Variants in PLXND1 observed in about 807,000 individuals in gnomAD.
PLXND1 encodes the protein plexin D1.
Under a neutral mutation model 197.7 loss-of-function variants are expected in PLXND1, and 54 were observed. That is an observed-to-expected ratio of 0.27 (90% CI 0.22 to 0.34). The LOEUF (loss-of-function observed/expected upper bound fraction) is 0.34. PLXND1 is among the 10% of genes least tolerant of loss of function. The pLI is 1.00. For missense variants in PLXND1, 2,127 were observed against 2,699.2 expected, an observed-to-expected ratio of 0.79 and a Z score of 4.70; for synonymous variants, 1,180 against 1,161.2, an observed-to-expected ratio of 1.02 and a Z score of -0.33.
At chr3:129,567,907 G>C in intron 20 of PLXND1, 102 bp from the exon 21 acceptor site, 1 of 427,676 alleles carries the variant, frequency 2.3e-6, no homozygotes, top group Non-Finnish European at 4.3e-6. Flanking sequence ...TCTGGGCAGG[G>C]TGTGGGAGGA....
intron 1 of PLXND1, among the ~76,000 whole-genome samples, chr3:129,597,551 C>T (rs527558143): frequency 6.9e-4 from 105 of 152,322 alleles, no homozygotes; most frequent in African/African-American, 2.2e-3. Flanking sequence ...GGGGCCTTGC[C>T]GGGACTCGTA....
chr3:129,589,307 G>GCCGGGGGCCCCC, intron 2 of PLXND1, 44 bp downstream of exon 2: 2 of 684,692 alleles, frequency 2.9e-6, no homozygotes, highest in Non-Finnish European at 5.1e-6. Context: ...TCCCAGGGGA[G>GCCGGGGGCCCCC]CCTCCCACCC....
At position 129,558,776 on chromosome 3, in the gene PLXND1, G is replaced by A. The variant is rs1433247289; in HGVS notation, c.5298-201C>T. The stretch of plus-strand genomic sequence containing the variant: ...GGGGCTGAGAGCCCGGTTTCCTGCT[G>A]GAGCAAGGCAGGAGCTACAGGGCTT... On this transcript the variant is annotated intron_variant, in intron 32 of 35. Transcript: ENST00000324093. This position sits in a 1 kb window ranked among gnomAD's most constrained non-coding sequence, Gnocchi z 4.1. 2 of 571,554 alleles carry A rather than the reference G, an allele frequency of 3.5e-6. No individual in the cohort carries two copies. Among genetic ancestry groups the A allele is most frequent in the East Asian group, 3.0e-5 (1 of 33,710 alleles). 35.4% of individuals were successfully genotyped at this position (571,554 alleles called of 1,614,324 possible). A position where few individuals can be genotyped will look rare whatever the true frequency, so the allele number is the denominator to read the frequency against.
chr3:129,588,491 CCACGAGCCCCATT>C (rs1268253921), intron 2 of PLXND1, among the ~76,000 whole-genome samples: 1 of 152,218 alleles, frequency 6.6e-6, no homozygotes, highest in East Asian at 1.9e-4. Context: ...TGACCCCAAA[CCACGAGCCCCATT>C]GACGAGCCCC....
intron 19 of PLXND1, 118 bp downstream of exon 19, chr3:129,570,668 T>G: frequency 1.0e-6 from 1 of 965,580 alleles, no homozygotes; most frequent in Non-Finnish European, 1.6e-6. Context: ...TTTGCTGGAC[T>G]GAGCTGTTGA....
intron 8 of PLXND1, 151 bp from the exon 9 acceptor site, chr3:129,578,584 G>A (rs374322699): frequency 1.7e-5 from 10 of 595,650 alleles, no homozygotes; most frequent in African/African-American, 5.6e-5. Context: ...GCCCCACCCC[G>A]TGCCTCCCAC....
Position 129,565,325 on chromosome 3 carries a change from C to T in PLXND1, c.4521+15G>A. On this transcript the variant is annotated intron_variant, in intron 25 of 35. Coordinates refer to ENST00000324093, the MANE Select transcript of PLXND1 (RefSeq NM_015103.3). ...GTCCCCCGCCTGGGCTCTGTCTGTC[C>T]CCAGGCAGCCTCACCCGCAGACAGC... is the stretch of plus-strand genomic sequence containing the variant. The T allele has an allele frequency of 6.2e-7, 1 of 1,610,646 alleles. No homozygotes were observed. The highest frequency in any genetic ancestry group is 8.5e-7 in the Non-Finnish European group (1 of 1,177,300).
chr3:129,581,703 C>T (rs1186632909), intron 8 of PLXND1, among the ~76,000 whole-genome samples: 1 of 152,222 alleles, frequency 6.6e-6, no homozygotes, highest in Non-Finnish European at 1.5e-5. Flanking sequence ...TAAGATCATA[C>T]AGCCACAGCT....
At chr3:129,588,781 A>G (rs977490525) in intron 2 of PLXND1, among the ~76,000 whole-genome samples, 3 of 152,244 alleles carry the variant, frequency 2.0e-5, no homozygotes, top group Admixed American at 6.5e-5. Context: ...GTCCTGCCCC[A>G]GAGCAGGGAA....
intron 29 of PLXND1, chr3:129,561,057 T>C (rs913355268): frequency 4.0e-5 from 20 of 497,868 alleles, no homozygotes; most frequent in South Asian, 1.1e-4. Flanking sequence ...ATGGAGGGAC[T>C]TGGAAGGAGG....
At chr3:129,560,657 TG>T in intron 30 of PLXND1, 31 bp downstream of exon 30, 1 of 1,559,878 alleles carries the variant, frequency 6.4e-7, no homozygotes, top group Non-Finnish European at 8.8e-7. Flanking sequence ...ACTGAGGGGC[TG>T]GATCCCCCGG....
At position 129,557,013 on chromosome 3, in the gene PLXND1, G is replaced by A. The variant is rs1481657609; in HGVS notation, c.5586+70C>T. On this transcript the variant is annotated intron_variant, in intron 34 of 35. Coordinates refer to ENST00000324093, the MANE Select transcript of PLXND1 (RefSeq NM_015103.3). The surrounding 1 kb of genome is among the most constrained non-coding windows in gnomAD (Gnocchi z 4.8). ...CTGCCCTTACTCCAGTGGAGGCATT[G>A]AGGCCCAGCCCCCGACCCCCGATCC... 3.9e-6 allele frequency: 6 copies of A among 1,546,748 alleles called. No individual in the cohort carries two copies. The highest frequency in any genetic ancestry group is 1.7e-5 in the Admixed American group (1 of 58,964).
rs536821230 is a variant in PLXND1 at position 129,571,603 on chromosome 3, C to G, written c.3246-4G>C. 3 of 1,613,844 alleles carry G rather than the reference C, an allele frequency of 1.9e-6. No homozygotes were observed. ...CACTGTGATGGTCCTGCCGCCACTG[C>G]GGGGGACAGCAAAACCTATCAGTGC... On this transcript the variant is annotated splice_region_variant and splice_polypyrimidine_tract_variant and intron_variant, in intron 16 of 35. Coordinates refer to ENST00000324093, the MANE Select transcript of PLXND1 (RefSeq NM_015103.3).
chr3:129,586,854 C>G, intron 2 of PLXND1, 135 bp from the exon 3 acceptor site: 11 of 1,026,736 alleles, frequency 1.1e-5, no homozygotes, highest in Non-Finnish European at 1.6e-5. Context: ...TGGGAAGTCA[C>G]GGGCGTGCAG....
chr3:129,580,893 G>C (rs981002841), intron 8 of PLXND1, among the ~76,000 whole-genome samples: 1 of 151,578 alleles, frequency 6.6e-6, no homozygotes, highest in African/African-American at 2.4e-5. Context: ...CTGGCCCGTA[G>C]TGACCACCTA....
chr3:129,593,593 G>A (rs2085577406), intron 1 of PLXND1, among the ~76,000 whole-genome samples: 1 of 152,252 alleles, frequency 6.6e-6, no homozygotes, highest in African/African-American at 2.4e-5. Context: ...GTGCTCTGGA[G>A]GGAATGTTTA....
intron 1 of PLXND1, among the ~76,000 whole-genome samples, chr3:129,596,525 C>T (rs1384090273): frequency 6.6e-6 from 1 of 152,180 alleles, no homozygotes; most frequent in Non-Finnish European, 1.5e-5. Context: ...CGGCTCTTCC[C>T]TGGCCCAGGG....
rs546020083 is a variant in PLXND1 at position 129,589,432 on chromosome 3, C to T, written c.1407G>A (p.Pro469=). 1.1e-5 allele frequency: 17 copies of T among 1,611,798 alleles called. No individual in the cohort carries two copies. The highest frequency in any genetic ancestry group is 3.3e-5 in the South Asian group (3 of 90,918). Residue 469 remains proline (P), a synonymous_variant, in exon 2 of 36, where the codon CCG becomes CCA. Transcript: ENST00000324093. ...TGGCCACGGCCACGGAGGTGAGGCC[C>T]GGGGCGCGGAACACGGGCGTGGCCT... ...PLKATPVFRA[P]GLTSVAVASV...
rs1326066727 is a variant in PLXND1, at chr3:129,586,723, T to A, written c.1489-4A>T. On this transcript the variant is annotated splice_region_variant and splice_polypyrimidine_tract_variant and intron_variant, in intron 2 of 35. Transcript: ENST00000324093. ...GCATGCTCTCGTTCAGGTTGATCTG[T>A]GGGGGTAGTGGGCATCAGGGTGCTG... The A allele has an allele frequency of 6.3e-7, 1 of 1,599,228 alleles. No homozygotes were observed. Among genetic ancestry groups the A allele is most frequent in the Non-Finnish European group, 8.5e-7 (1 of 1,172,668 alleles).
Sources: allele counts gnomAD v4.1 joint callset (sites outside exome capture counted in the v4.1 genomes callset), GRCh38; gene constraint gnomAD v4.1.1; non-coding constraint Gnocchi (gnomAD v3.1); transcripts MANE v1.5; gene names NCBI Gene and HGNC (gene_info 2026-07-23, HGNC 2026-07-21).